Variants in FHIP1B observed in about 807,000 individuals in gnomAD.
The protein encoded by FHIP1B is FHF complex subunit HOOK-interacting protein 1B.
A neutral mutation model predicts 82.2 loss-of-function variants in FHIP1B; 28 were observed. The ratio of observed to expected loss-of-function variants is 0.34; its 90% CI spans 0.25 to 0.47. The LOEUF (loss-of-function observed/expected upper bound fraction) is 0.47. FHIP1B is among the 20% of genes least tolerant of loss of function. FHIP1B has a pLI of 1.00. For missense variants in FHIP1B, 1,110 were observed against 1,262.6 expected (o/e 0.88, Z 1.83); for synonymous variants, 585 against 516.1 (o/e 1.13, Z -1.81).
At chr11:6,229,025 T>G (rs767863907) in intron 1 of FHIP1B, among the ~76,000 whole-genome samples, 8 of 152,232 alleles carry the variant, frequency 5.3e-5, no homozygotes, top group Non-Finnish European at 1.0e-4. Flanking sequence ...ATATGGTCCC[T>G]TTATTAAACT....
chr11:6,221,143 A>G (rs559651326), intron 6 of FHIP1B, among the ~76,000 whole-genome samples: 1 of 152,350 alleles, frequency 6.6e-6, no homozygotes, highest in Admixed American at 6.5e-5. Context: ...TGGTTTAGAA[A>G]CACTGGTTTA....
rs1847178300 is a variant in FHIP1B at position 6,214,793 on chromosome 11, G to A, written c.2334C>T (p.Leu778=). 2 of 1,610,182 alleles carry A rather than the reference G, an allele frequency of 1.2e-6. No homozygotes were observed. The highest frequency in any genetic ancestry group is 4.5e-5 in the East Asian group (2 of 44,806). The change falls in exon 10 of 12, where the codon CTC becomes CTT. Residue 778 remains leucine (L), a synonymous_variant. Transcript: ENST00000449352. Reference sequence around the variant, plus strand: ...TGTTGGTGTTGAGCAGGAAAGAGCGGAGCAGGGGCTGGGGGTGACAGGCCA... The same window carrying A: ...TGTTGGTGTTGAGCAGGAAAGAGCGAAGCAGGGGCTGGGGGTGACAGGCCA... ...AQLACHPQPL[L]RSFLLNTNMV...
chr11:6,216,156 G>C (rs1015867829), intron 9 of FHIP1B, among the ~76,000 whole-genome samples: 2 of 152,246 alleles, frequency 1.3e-5, no homozygotes, highest in Non-Finnish European at 2.9e-5. Context: ...GAAAGGAACA[G>C]AGCAGAGGCT....
chr11:6,226,645 A>G (rs1847572380), intron 1 of FHIP1B, among the ~76,000 whole-genome samples: 1 of 152,248 alleles, frequency 6.6e-6, no homozygotes, highest in Non-Finnish European at 1.5e-5. Flanking sequence ...AAAAATTCAA[A>G]GAACAGTTGC....
At chr11:6,218,237 C>A in intron 8 of FHIP1B, 87 bp from the exon 9 acceptor site, 1 of 1,472,800 alleles carries the variant, frequency 6.8e-7, no homozygotes. Flanking sequence ...AGAAAGAAGA[C>A]AATGGGGAGG....
chr11:6,224,351 C>T (rs772247825), intron 2 of FHIP1B, 28 bp downstream of exon 2: 1 of 1,614,238 alleles, frequency 6.2e-7, no homozygotes, highest in Non-Finnish European at 8.5e-7. Context: ...GATCAGCAGA[C>T]AAGGCCCTTT....
At chr11:6,231,454 A>G (rs527656583) in intron 1 of FHIP1B, among the ~76,000 whole-genome samples, 11 of 151,152 alleles carry the variant, frequency 7.3e-5, no homozygotes, top group Middle Eastern at 3.4e-3. Context: ...TAATCAACTC[A>G]TTATGATATA....
rs202015594 is a variant in FHIP1B at position 6,211,742 on chromosome 11, C to G, written c.2683G>C (p.Gly895Arg). 6 of 1,614,232 alleles carry G rather than the reference C, an allele frequency of 3.7e-6. No homozygotes were observed. The highest frequency in any genetic ancestry group is 2.7e-5 in the African/African-American group (2 of 75,078). ...GRDGAGLGLSGGSPGASTPVL... is the reference protein window; with the variant it reads ...GRDGAGLGLSRGSPGASTPVL... ...GGAGTTGAAGCCCCAGGGGAGCCCC[C>G]ACTTAGGCCAAGTCCTGCTCCGTCT... Residue 895 changes from glycine (G) to arginine (R), a missense_variant, in exon 12 of 12, where the codon GGG becomes CGG. Physicochemically the swap from Gly to Arg is moderately radical, Grantham distance 125. Coordinates refer to ENST00000449352, the MANE Select transcript of FHIP1B (RefSeq NM_001098794.2).
At chr11:6,212,761 A>C (rs1237512140) in intron 11 of FHIP1B, among the ~76,000 whole-genome samples, 1 of 152,154 alleles carries the variant, frequency 6.6e-6, no homozygotes, top group Non-Finnish European at 1.5e-5. Context: ...GCCCTTCACA[A>C]TCAGGCTCAC....
intron 1 of FHIP1B, among the ~76,000 whole-genome samples, chr11:6,232,947 T>C (rs2133857539): frequency 6.6e-6 from 1 of 152,126 alleles, no homozygotes; most frequent in South Asian, 2.1e-4. Context: ...TCTCTGAGAA[T>C]AAATTTATCT....
chr11:6,224,011 G>A lies in FHIP1B; in HGVS notation c.376C>T (p.Arg126Trp), dbSNP rs766667897. ...AATAGTTTCAGTTGCTCAGCCCGCC[G>A]TTCCTCGACCCCATCCCCAAGCTCA... The part of the protein sequence containing the change: ...WDELGDGVEE[R>W]RAEQLKLFEM... Residue 126 changes from arginine (R) to tryptophan (W), a missense_variant, in exon 3 of 12, where the codon CGG (arginine) becomes TGG (tryptophan). Arg to Trp is a moderately radical substitution (Grantham distance 101). Transcript: ENST00000449352. 25 of 1,613,914 alleles carry A rather than the reference G, an allele frequency of 1.5e-5. No individual in the cohort carries two copies. Among genetic ancestry groups the A allele is most frequent in the African/African-American group, 2.7e-5 (2 of 75,054 alleles).
chr11:6,231,699 C>A (rs1847704459), intron 1 of FHIP1B, among the ~76,000 whole-genome samples: 1 of 151,896 alleles, frequency 6.6e-6, no homozygotes, highest in Non-Finnish European at 1.5e-5. Context: ...TTGGTAGAGG[C>A]AGGGTTTCAA....
In FHIP1B at chr11:6,219,194, G is replaced by A. The variant is rs1847339259; in HGVS notation, c.1192-144C>T. On this transcript the variant is annotated intron_variant, in intron 6 of 11. Coordinates refer to ENST00000449352, the MANE Select transcript of FHIP1B (RefSeq NM_001098794.2). ...TCCTAGAGGACCATGTACCATGCCT[G>A]GCACATAAGTCATTCAAGTATTAGC... is the stretch of plus-strand genomic sequence containing the variant. 4 of 627,082 alleles carry A rather than the reference G, an allele frequency of 6.4e-6. No homozygotes were observed. In the South Asian group the frequency reaches 7.5e-5, roughly 12 times the overall value. The allele number at this position is 627,082 out of a possible 1,614,324, so 38.8% of individuals were successfully genotyped here. A position where few individuals can be genotyped will look rare whatever the true frequency, so the allele number is the denominator to read the frequency against.
chr11:6,219,165 G>A (rs1847338522), intron 6 of FHIP1B, 115 bp from the exon 7 acceptor site: 6 of 710,848 alleles, frequency 8.4e-6, no homozygotes, highest in South Asian at 7.9e-5. Flanking sequence ...ACTCCTAGAG[G>A]AACTCCTAGA....
At chr11:6,220,110 G>A (rs940066973) in intron 6 of FHIP1B, among the ~76,000 whole-genome samples, 2 of 152,070 alleles carry the variant, frequency 1.3e-5, no homozygotes, top group African/African-American at 4.8e-5. Flanking sequence ...AGACGACTTC[G>A]CAGATGTGAG....
chr11:6,220,561 A>C (rs1175130860), intron 6 of FHIP1B, among the ~76,000 whole-genome samples: 1 of 152,230 alleles, frequency 6.6e-6, no homozygotes, highest in Non-Finnish European at 1.5e-5. Flanking sequence ...TTACAAAGTC[A>C]AGCCAAAGAA....
At chr11:6,219,745 C>T (rs866244139) in intron 6 of FHIP1B, among the ~76,000 whole-genome samples, 2 of 152,228 alleles carry the variant, frequency 1.3e-5, no homozygotes, top group African/African-American at 4.8e-5. Context: ...TTCTCTGAAT[C>T]TTCCTAGCAC....
At chr11:6,232,062 A>T (rs887781465) in intron 1 of FHIP1B, among the ~76,000 whole-genome samples, 1 of 152,222 alleles carries the variant, frequency 6.6e-6, no homozygotes, top group African/African-American at 2.4e-5. Flanking sequence ...TAAATGATTA[A>T]CACAGTACCC....
chr11:6,222,486 T>C lies in FHIP1B; in HGVS notation c.1147A>G (p.Thr383Ala). Residue 383 changes from threonine to alanine, a missense_variant, in exon 6 of 12, where the codon ACC becomes GCC. By Grantham distance (58) the Thr-to-Ala change is moderately conservative (BLOSUM62 0). This residue lies in a region of FHIP1B where 467 missense variants were observed against 602.9 expected (regional missense o/e 0.77). Transcript: ENST00000449352. Reference protein sequence around the residue: ...FLLLHRHDTHTILDTLVARIG... With the variant: ...FLLLHRHDTHAILDTLVARIG... ...CGAGCAACGAGGGTGTCGAGGATGG[T>C]GTGGGTGTCATGCCGGTGCAACAAC... The C allele has an allele frequency of 6.2e-7, 1 of 1,613,872 alleles. No homozygotes were observed. Among genetic ancestry groups the C allele is most frequent in the Non-Finnish European group, 8.5e-7 (1 of 1,179,986 alleles).
Sources: gnomAD v4.1 joint callset for allele counts (sites outside exome capture counted in the v4.1 genomes callset) on GRCh38, gnomAD v4.1.1 for gene constraint, gnomAD v4.1.1 regional missense constraint, MANE v1.5 for transcripts, NCBI Gene and HGNC (gene_info 2026-07-23, HGNC 2026-07-21) for gene names.